PKHD1L1: variants seen among roughly 807,000 people sequenced by gnomAD.
PKHD1L1 encodes the protein PKHD1 like 1.
PKHD1L1 carries 434 observed loss-of-function variants against 462.9 expected under a neutral mutation model. That is an observed-to-expected ratio of 0.94 (90% confidence interval 0.87 to 1.02). The LOEUF (loss-of-function observed/expected upper bound fraction) is 1.02, where lower values mean the gene tolerates loss of function less well. Ranked by LOEUF, PKHD1L1 falls within the 50% of genes least tolerant of loss-of-function variation. PKHD1L1 has a pLI of 0.00. For synonymous variants in PKHD1L1, 1,781 were observed against 1,750.0 expected, an observed-to-expected ratio of 1.02 and a Z score of -0.44; for missense variants, 5,202 against 5,096.1, an observed-to-expected ratio of 1.02 and a Z score of -0.63.
At position 109,530,111 on chromosome 8, in the gene PKHD1L1, G is replaced by C; in HGVS notation, c.*21G>C. On this transcript the variant is annotated 3_prime_UTR_variant, in exon 78 of 78. Transcript: ENST00000378402. The stretch of plus-strand genomic sequence containing the variant: ...ACTAAAGTGCTGTTCCGAAGAATAG[G>C]CTGAAACAAAAATATAAGAATTATT... 1.5e-6 allele frequency: 2 copies of C among 1,320,100 alleles called. No homozygotes were observed. Among genetic ancestry groups the C allele is most frequent in the Non-Finnish European group, 2.0e-6 (2 of 1,016,236 alleles). The allele number at this position is 1,320,100 out of a possible 1,614,324, so 81.8% of individuals were successfully genotyped here. A position where few individuals can be genotyped will look rare whatever the true frequency, so the allele number is the denominator to read the frequency against.
At chr8:109,493,107 GGATTGCTTAAGC>G (rs1196478436) in intron 62 of PKHD1L1, among the ~76,000 whole-genome samples, 5 of 150,828 alleles carry the variant, frequency 3.3e-5, no homozygotes, top group African/African-American at 1.2e-4. Context: ...TGAGTTAAGA[GGATTGCTTAAGC>G]TTAGGAGTTT....
At chr8:109,494,402 G>A (rs1818985433) in intron 63 of PKHD1L1, among the ~76,000 whole-genome samples, 1 of 151,854 alleles carries the variant, frequency 6.6e-6, no homozygotes, top group African/African-American at 2.4e-5. Flanking sequence ...CTAGCTAACA[G>A]TTGCCTTTAC....
At chr8:109,388,740 T>C (rs1351701762) in intron 7 of PKHD1L1, among the ~76,000 whole-genome samples, 190 bp downstream of exon 7, 1 of 152,174 alleles carries the variant, frequency 6.6e-6, no homozygotes. Flanking sequence ...GTCTCCAAGA[T>C]AGTATGATAT....
chr8:109,531,362 C>T lies in PKHD1L1; in HGVS notation c.*1272C>T, dbSNP rs953759437. ...AGAAATAAGATGCTATGCCTTCCCT[C>T]GAAGAGTTTTCAGGATATTTGGGGA... On this transcript the variant is annotated 3_prime_UTR_variant, in exon 78 of 78. Transcript: ENST00000378402. Among the ~76,000 whole-genome samples the T allele has an allele frequency of 1.3e-5, 2 of 152,062 alleles. No individual in the cohort carries two copies. Among genetic ancestry groups the T allele is most frequent in the Non-Finnish European group, 2.9e-5 (2 of 68,026 alleles).
rs764465096 is a variant in PKHD1L1 at position 109,518,328 on chromosome 8, G to A, written c.11851G>A (p.Asp3951Asn). Reference sequence around the variant, plus strand: ...CCAATTATCTGTTGCAACAGAAGATGACTTTTATACCTCTCACAATCTGGT... The same window carrying A: ...CCAATTATCTGTTGCAACAGAAGATAACTTTTATACCTCTCACAATCTGGT... ...SFQLSVATEDDFYTSHNLVKN... is the reference protein window; with the variant it reads ...SFQLSVATEDNFYTSHNLVKN... Residue 3951 changes from aspartate to asparagine, a missense_variant, in exon 73 of 78, where the codon GAC (aspartate) becomes AAC (asparagine). Transcript: ENST00000378402. 1.2e-6 allele frequency: 2 copies of A among 1,613,384 alleles called. No homozygotes were observed. Among genetic ancestry groups the A allele is most frequent in the South Asian group, 1.1e-5 (1 of 91,046 alleles).
In PKHD1L1 at chr8:109,507,992, T is replaced by C. The variant is rs1819781657; in HGVS notation, c.11227+97T>C. 2.7e-6 allele frequency: 4 copies of C among 1,507,338 alleles called. No individual in the cohort carries two copies. In the East Asian group the frequency reaches 6.9e-5, roughly 26 times the overall value. 93.4% of individuals were successfully genotyped at this position (1,507,338 alleles called of 1,614,324 possible). Reference sequence around the variant, plus strand: ...ACTTGCCTACTCAACCAATAACTTTTATTTTCTACTTCTTAAACTAGCATA... The same window carrying C: ...ACTTGCCTACTCAACCAATAACTTTCATTTTCTACTTCTTAAACTAGCATA... On this transcript the variant is annotated intron_variant, in intron 69 of 77. Transcript: ENST00000378402.
Position 109,461,913 on chromosome 8 carries a change from G to A in PKHD1L1, c.7383+5G>A, listed in dbSNP as rs758162754. The A allele has an allele frequency of 6.3e-7, 1 of 1,593,806 alleles. No homozygotes were observed. The highest frequency in any genetic ancestry group is 2.3e-5 in the East Asian group (1 of 44,298). On this transcript the variant is annotated splice_donor_5th_base_variant and intron_variant, in intron 48 of 77. Coordinates refer to ENST00000378402, the MANE Select transcript of PKHD1L1 (RefSeq NM_177531.6). ...GGGAGAATAGAATATGTAGAGGTGA[G>A]AGGCATTATTACTAAATCACAGTGG...
At chr8:109,404,822 A>G (rs2130560462) in intron 15 of PKHD1L1, 109 bp downstream of exon 15, 1 of 1,208,630 alleles carries the variant, frequency 8.3e-7, no homozygotes, top group Non-Finnish European at 1.1e-6. Context: ...GAAAGCAGTC[A>G]TGGACAATTA....
intron 35 of PKHD1L1, 137 bp downstream of exon 35, chr8:109,442,332 C>T (rs753467002): frequency 3.8e-5 from 32 of 841,170 alleles, no homozygotes; most frequent in Non-Finnish European, 5.2e-5. Flanking sequence ...CATTTTATTG[C>T]TGCAGTAAAA....
intron 2 of PKHD1L1, among the ~76,000 whole-genome samples, chr8:109,376,401 C>G (rs1811832357): frequency 6.6e-6 from 1 of 152,172 alleles, no homozygotes; most frequent in Admixed American, 6.5e-5. Context: ...CGTCTGTCAC[C>G]CCTTTCTTTG....
chr8:109,442,950 AT>A lies in PKHD1L1; in HGVS notation c.4402del (p.Ser1468LeufsTer70). 6.3e-7 allele frequency: 1 copy of A among 1,594,138 alleles called. No homozygotes were observed. The highest frequency in any genetic ancestry group is 8.5e-7 in the Non-Finnish European group (1 of 1,170,794). On this transcript the variant is annotated frameshift_variant, in exon 36 of 78. Transcript: ENST00000378402. LOFTEE classifies it high-confidence loss of function. ...TACAATCTCATTTTATGGCAGGTTC[AT>A]TTTCTTACCAATTTACTTCTCCTGG... ...SGRQKSTSGSFSYQFTSPGIH... is the reference protein window; with the variant it reads ...SGRQKSTSGSXSYQFTSPGIH...
At position 109,497,058 on chromosome 8, in the gene PKHD1L1, T is replaced by C; in HGVS notation, c.10467T>C (p.Ile3489=). The change falls in exon 64 of 78, where the codon ATT becomes ATC. Residue 3489 remains isoleucine (I), a synonymous_variant. Coordinates refer to ENST00000378402, the MANE Select transcript of PKHD1L1 (RefSeq NM_177531.6). The stretch of plus-strand genomic sequence containing the variant: ...TTTGGACATGCTGGGATTATGGAAT[T>C]TATTTTCAGGTAATTATGATTAAAG... The part of the protein sequence containing the change: ...FTIWTCWDYG[I]YFQTTESVHI... The C allele has an allele frequency of 6.2e-7, 1 of 1,613,426 alleles. No homozygotes were observed. Among genetic ancestry groups the C allele is most frequent in the Non-Finnish European group, 8.5e-7 (1 of 1,179,624 alleles).
At chr8:109,466,492 T>C in intron 49 of PKHD1L1, 86 bp from the exon 50 acceptor site, 4 of 1,317,042 alleles carry the variant, frequency 3.0e-6, no homozygotes, top group Non-Finnish European at 4.1e-6. Context: ...TTAGTGGTAC[T>C]ATGGGTCACA....
At position 109,464,875 on chromosome 8, in the gene PKHD1L1, T is replaced by G. The variant is rs950040044; in HGVS notation, c.8043T>G (p.Ala2681=). ...HNFVMVNNYE[A]GIETKRILAP... ...TTGTGATGGTGAATAACTATGAGGC[T>G]GGAATTGAGACTAAGAGGATCCTGG... The change falls in exon 49 of 78, where the codon GCT becomes GCG. Residue 2681 remains alanine (A), a synonymous_variant. Coordinates refer to ENST00000378402, the MANE Select transcript of PKHD1L1 (RefSeq NM_177531.6). 3 of 1,613,802 alleles carry G rather than the reference T, an allele frequency of 1.9e-6. No homozygotes were observed. The highest frequency in any genetic ancestry group is 2.5e-6 in the Non-Finnish European group (3 of 1,179,802).
At chr8:109,388,373 AG>A in intron 6 of PKHD1L1, 123 bp from the exon 7 acceptor site, 1 of 699,658 alleles carries the variant, frequency 1.4e-6, no homozygotes, top group Non-Finnish European at 2.6e-6. Context: ...TGCATGAGTG[AG>A]GGATAATAAT....
chr8:109,441,950 A>G, intron 34 of PKHD1L1, 57 bp from the exon 35 acceptor site: 1 of 1,420,970 alleles, frequency 7.0e-7, no homozygotes, highest in Non-Finnish European at 9.3e-7. Flanking sequence ...GTTGTCAAAG[A>G]TAATTATTAA....
intron 27 of PKHD1L1, 44 bp from the exon 28 acceptor site, chr8:109,433,062 A>G (rs1270134724): frequency 7.3e-6 from 10 of 1,361,284 alleles, no homozygotes; most frequent in Non-Finnish European, 9.3e-6. Context: ...AACAGGTTTT[A>G]TTTTTCTAAC....
At position 109,381,426 on chromosome 8, in the gene PKHD1L1, A is replaced by T. The variant is rs1275451874; in HGVS notation, c.220A>T (p.Ser74Cys). 1.3e-6 allele frequency: 2 copies of T among 1,584,096 alleles called. No individual in the cohort carries two copies. Among genetic ancestry groups the T allele is most frequent in the African/African-American group, 1.3e-5 (1 of 74,456 alleles). ...AGTTGATAACGCTGAGTTGGGAAAC[A>T]GTGTGCAATTAATTTCTTCTTTCCA... ...YGVDNAELGN[S>C]VQLISSFQSI... Residue 74 changes from serine to cysteine, a missense_variant, in exon 3 of 78, where the codon AGT (serine) becomes TGT (cysteine). This residue lies in a region of PKHD1L1 where 4,497 missense variants were observed against 4,336.8 expected (regional missense o/e 1.04). Transcript: ENST00000378402.
chr8:109,514,263 C>T (rs182380586), intron 71 of PKHD1L1, among the ~76,000 whole-genome samples: 41 of 152,282 alleles, frequency 2.7e-4, no homozygotes, highest in Middle Eastern at 3.4e-3. Context: ...GATCACGCCT[C>T]CTTGCTTGGC....
Sources: allele counts gnomAD v4.1 joint callset (sites outside exome capture counted in the v4.1 genomes callset), GRCh38; gene constraint gnomAD v4.1.1; regional missense constraint gnomAD v4.1.1; transcripts MANE v1.5; gene names NCBI Gene and HGNC (gene_info 2026-07-23, HGNC 2026-07-21).